The following UNC13C variants were observed in gnomAD, a reference collection of about 807,000 sequenced individuals.
UNC13C encodes the protein protein unc-13 homolog C.
UNC13C carries 174 observed loss-of-function variants against 245.4 expected under a neutral mutation model. The observed-to-expected ratio is 0.71, with a 90% CI of 0.63 to 0.80. The LOEUF (loss-of-function observed/expected upper bound fraction) is 0.80, where lower values mean the gene tolerates loss of function less well. Among genes scored for constraint, UNC13C ranks in the 30% least tolerant of loss-of-function variants. The probability of loss-of-function intolerance (pLI) is 0.00; values close to 1 mark genes in which losing one functional copy is unlikely to be tolerated. For synonymous variants in UNC13C, 992 were observed against 895.1 expected (o/e 1.11, Z -1.93); for missense variants, 2,829 against 2,602.9 (o/e 1.09, Z -1.89).
the UNC13C span, among the ~76,000 whole-genome samples, chr15:53,871,814 C>T: frequency 3.9e-5 from 6 of 152,154 alleles, no homozygotes; most frequent in Non-Finnish European, 8.8e-5. Flanking sequence ...GCTCCAACAT[C>T]AAGCCTGACG....
At chr15:53,919,354 A>T in the UNC13C span, among the ~76,000 whole-genome samples, 4,174 of 152,336 alleles carry the variant, frequency 0.027, 80 homozygotes, top group Non-Finnish European at 0.043. Context: ...CATGAATAAC[A>T]GAAGAACTTA....
intron 11 of UNC13C, among the ~76,000 whole-genome samples, chr15:54,296,185 G>A (rs1389193592): frequency 1.3e-5 from 2 of 151,384 alleles, no homozygotes; most frequent in Non-Finnish European, 2.9e-5. Flanking sequence ...GGCCCCAGCA[G>A]AGAATTTTTA....
intron 2 of UNC13C, among the ~76,000 whole-genome samples, chr15:54,074,544 G>C (rs1222872494): frequency 6.6e-6 from 1 of 151,970 alleles, no homozygotes; most frequent in Non-Finnish European, 1.5e-5. Flanking sequence ...GTGTCCTCCT[G>C]TCTCATTTCA....
chr15:54,013,312 A>G lies in UNC13C; in HGVS notation c.409A>G (p.Ser137Gly). 1.2e-6 allele frequency: 2 copies of G among 1,613,904 alleles called. No homozygotes were observed. The highest frequency in any genetic ancestry group is 8.5e-7 in the Non-Finnish European group (1 of 1,179,852). ...AGAATCATTAAATGAACTAAGGAGT[A>G]GCACAGAAAACCAGGCACAATCAAC... ...YSESLNELRS[S>G]TENQAQSTHT... Residue 137 changes from serine to glycine, a missense_variant, in exon 2 of 33, where the codon AGC becomes GGC. Ser to Gly is a moderately conservative substitution (Grantham distance 56). Transcript: ENST00000260323.
chr15:53,957,533 C>T, the UNC13C span, among the ~76,000 whole-genome samples: 3 of 152,174 alleles, frequency 2.0e-5, no homozygotes, highest in African/African-American at 7.2e-5. Context: ...AAAAATCTCA[C>T]AACATCGTGA....
At chr15:53,884,847 C>A in the UNC13C span, among the ~76,000 whole-genome samples, 5 of 152,144 alleles carry the variant, frequency 3.3e-5, no homozygotes, top group Non-Finnish European at 5.9e-5. Context: ...TGCTACTTCT[C>A]CTCCTACCAA....
At chr15:54,458,431 G>T (rs117318049) in intron 19 of UNC13C, among the ~76,000 whole-genome samples, 2 of 151,940 alleles carry the variant, frequency 1.3e-5, no homozygotes, top group Non-Finnish European at 2.9e-5. Context: ...TAAGTCCATT[G>T]TTTCTTTGTT....
At chr15:54,018,664 C>T (rs1294871381) in intron 2 of UNC13C, among the ~76,000 whole-genome samples, 1 of 152,174 alleles carries the variant, frequency 6.6e-6, no homozygotes, top group Non-Finnish European at 1.5e-5. Context: ...TCTGATCCCC[C>T]ACCTTCAGCC....
At chr15:54,435,889 A>T (rs2040974656) in intron 19 of UNC13C, among the ~76,000 whole-genome samples, 1 of 151,952 alleles carries the variant, frequency 6.6e-6, no homozygotes, top group South Asian at 2.1e-4. Context: ...CAAGAAAAAA[A>T]ACAAAACAAA....
At chr15:54,176,984 C>G (rs1376491339) in intron 4 of UNC13C, among the ~76,000 whole-genome samples, 1 of 152,074 alleles carries the variant, frequency 6.6e-6, no homozygotes, top group African/African-American at 2.4e-5. Context: ...ATCAAACTAT[C>G]TTCAAACTGG....
the UNC13C span, among the ~76,000 whole-genome samples, chr15:53,845,322 C>CA: frequency 0.3 from 40,770 of 134,732 alleles, 6,536 homozygotes; most frequent in Non-Finnish European, 0.36. Flanking sequence ...GAGAGTCTCT[C>CA]AAAAAAAAAA....
chr15:54,147,186 T>C (rs549061563), intron 4 of UNC13C, among the ~76,000 whole-genome samples: 82 of 151,538 alleles, frequency 5.4e-4, no homozygotes, highest in African/African-American at 1.9e-3. Context: ...TACATGCCCA[T>C]GGCAGCTACC....
chr15:54,380,750 G>A (rs1020253027), intron 17 of UNC13C, among the ~76,000 whole-genome samples: 1 of 152,060 alleles, frequency 6.6e-6, no homozygotes, highest in Non-Finnish European at 1.5e-5. Flanking sequence ...TTGACTATTT[G>A]TATATCTTCT....
chr15:53,940,794 A>G, the UNC13C span, among the ~76,000 whole-genome samples: 1 of 152,170 alleles, frequency 6.6e-6, no homozygotes, highest in African/African-American at 2.4e-5. Context: ...AGAACTACAA[A>G]CCACTGCTCA....
At chr15:54,375,629 T>A (rs909362686) in intron 17 of UNC13C, among the ~76,000 whole-genome samples, 2 of 152,242 alleles carry the variant, frequency 1.3e-5, no homozygotes, top group Non-Finnish European at 2.9e-5. Context: ...GTGAGCTCTT[T>A]TAAAGGGGGC....
chr15:54,513,712 C>T (rs1456135019), intron 24 of UNC13C, among the ~76,000 whole-genome samples: 1 of 152,140 alleles, frequency 6.6e-6, no homozygotes, highest in East Asian at 1.9e-4. Flanking sequence ...ACTCCTCAGA[C>T]ACGATTTAAG....
At chr15:54,023,943 T>A (rs1461894637) in intron 2 of UNC13C, among the ~76,000 whole-genome samples, 1 of 152,248 alleles carries the variant, frequency 6.6e-6, no homozygotes, top group Non-Finnish European at 1.5e-5. Flanking sequence ...TCATGTTATT[T>A]CTTCAAGCTC....
chr15:54,304,670 A>AC (rs1346823125), intron 13 of UNC13C, among the ~76,000 whole-genome samples: 4 of 151,538 alleles, frequency 2.6e-5, no homozygotes, highest in Non-Finnish European at 5.9e-5. Flanking sequence ...AAAAAAAAAA[A>AC]AACCCTTACC....
At chr15:54,230,761 G>A (rs1435745260) in intron 4 of UNC13C, among the ~76,000 whole-genome samples, 6 of 151,786 alleles carry the variant, frequency 4.0e-5, no homozygotes, top group East Asian at 1.9e-4. Flanking sequence ...TAAAGGTCTC[G>A]CTACAAAAAA....
Sources: allele counts gnomAD v4.1 joint callset (sites outside exome capture counted in the v4.1 genomes callset), GRCh38; gene constraint gnomAD v4.1.1; transcripts MANE v1.5; gene names NCBI Gene and HGNC (gene_info 2026-07-23, HGNC 2026-07-21).